Variants in CNTN1 observed in about 807,000 individuals in gnomAD.
The protein encoded by CNTN1 is contactin-1.
In CNTN1, 38 loss-of-function variants were observed where a neutral mutation model predicts 126.4. The ratio of observed to expected loss-of-function variants is 0.30; its 90% CI spans 0.23 to 0.39. CNTN1 has a LOEUF of 0.39. Ranked by LOEUF, CNTN1 falls within the 10% of genes least tolerant of loss-of-function variation. The probability of loss-of-function intolerance (pLI) is 1.00; values close to 1 mark genes in which losing one functional copy is unlikely to be tolerated. For synonymous variants in CNTN1, 413 were observed against 422.6 expected, an observed-to-expected ratio of 0.98 and a Z score of 0.28; for missense variants, 1,009 against 1,248.4, an observed-to-expected ratio of 0.81 and a Z score of 2.89.
At chr12:40,942,628 A>C (rs1478419008) in intron 12 of CNTN1, among the ~76,000 whole-genome samples, 2 of 152,106 alleles carry the variant, frequency 1.3e-5, no homozygotes. Flanking sequence ...AGAATAAATT[A>C]CACTCCTCAG....
At chr12:41,010,505 T>A (rs1295410837) in intron 17 of CNTN1, among the ~76,000 whole-genome samples, 2 of 152,194 alleles carry the variant, frequency 1.3e-5, no homozygotes, top group Non-Finnish European at 2.9e-5. Flanking sequence ...GATCTCCTCC[T>A]CCTGGTCCCT....
At position 40,910,043 on chromosome 12, in the gene CNTN1, G is replaced by A. The variant is rs200412362; in HGVS notation, c.62-30G>A. 427 of 1,552,974 alleles carry A rather than the reference G, an allele frequency of 2.7e-4. 4 individuals are homozygous for A. In the South Asian group the frequency reaches 4.4e-3, roughly 16 times the overall value. The stretch of plus-strand genomic sequence containing the variant: ...ACCACAATTCAAATAATTGCTTCAG[G>A]ATCAAAATTGTTTTTTCTTTCATTT... On this transcript the variant is annotated intron_variant, in intron 2 of 23. Coordinates refer to ENST00000551295, the MANE Select transcript of CNTN1 (RefSeq NM_001843.4).
At chr12:40,833,115 G>C (rs1941914703) in intron 1 of CNTN1, among the ~76,000 whole-genome samples, 1 of 152,002 alleles carries the variant, frequency 6.6e-6, no homozygotes, top group South Asian at 2.1e-4. Flanking sequence ...GAGTCCAGTG[G>C]CGCAGTCTCG....
At chr12:40,850,863 ATTC>A (rs1942691689) in intron 1 of CNTN1, among the ~76,000 whole-genome samples, 1 of 152,128 alleles carries the variant, frequency 6.6e-6, no homozygotes, top group Admixed American at 6.6e-5. Flanking sequence ...TCCCCATTTT[ATTC>A]TTTTTCATTT....
intron 1 of CNTN1, among the ~76,000 whole-genome samples, chr12:40,721,917 T>A (rs1200887360): frequency 1.3e-5 from 2 of 150,970 alleles, no homozygotes; most frequent in East Asian, 3.9e-4. Flanking sequence ...TTCCATGGTG[T>A]ATATGTGCCA....
At chr12:40,859,727 C>T (rs947942056) in intron 1 of CNTN1, among the ~76,000 whole-genome samples, 1 of 151,990 alleles carries the variant, frequency 6.6e-6, no homozygotes, top group South Asian at 2.1e-4. Flanking sequence ...TTCTGTTTAC[C>T]ACAGGAGTGA....
chr12:40,732,648 C>T (rs937936046), intron 1 of CNTN1, among the ~76,000 whole-genome samples: 8 of 151,946 alleles, frequency 5.3e-5, no homozygotes, highest in African/African-American at 1.9e-4. Context: ...CATATTTGCT[C>T]AGAAATCCTA....
At chr12:40,863,578 C>T (rs575567627) in intron 1 of CNTN1, among the ~76,000 whole-genome samples, 4 of 152,084 alleles carry the variant, frequency 2.6e-5, no homozygotes, top group Admixed American at 1.3e-4. Flanking sequence ...GGTACCAGTC[C>T]GTGACCTGTT....
intron 1 of CNTN1, among the ~76,000 whole-genome samples, chr12:40,765,881 G>T (rs1259425242): frequency 3.3e-5 from 5 of 152,210 alleles, no homozygotes; most frequent in African/African-American, 1.2e-4. Flanking sequence ...AGCTCATAGT[G>T]TTGGAGGGAA....
At chr12:40,709,565 C>A (rs189831115) in intron 1 of CNTN1, among the ~76,000 whole-genome samples, 6 of 152,282 alleles carry the variant, frequency 3.9e-5, no homozygotes, top group African/African-American at 1.4e-4. Context: ...TCCTAGATGG[C>A]ATCTTTTTCC....
chr12:41,006,073 T>C (rs886325488), intron 17 of CNTN1, among the ~76,000 whole-genome samples: 5 of 152,212 alleles, frequency 3.3e-5, no homozygotes, highest in East Asian at 1.9e-4. Context: ...AGCTTTGAAA[T>C]TGACAACCTT....
chr12:40,950,322 T>C (rs1209947877), intron 14 of CNTN1, among the ~76,000 whole-genome samples: 1 of 152,148 alleles, frequency 6.6e-6, no homozygotes, highest in Non-Finnish European at 1.5e-5. Flanking sequence ...GCATGATGTA[T>C]TGGAAACAAA....
At chr12:40,765,429 C>A (rs1939042974) in intron 1 of CNTN1, among the ~76,000 whole-genome samples, 1 of 152,110 alleles carries the variant, frequency 6.6e-6, no homozygotes, top group Non-Finnish European at 1.5e-5. Context: ...AATAGTATCA[C>A]CTGGACAGAG....
intron 1 of CNTN1, among the ~76,000 whole-genome samples, chr12:40,783,713 T>C (rs2136453922): frequency 6.6e-6 from 1 of 152,236 alleles, no homozygotes; most frequent in South Asian, 2.1e-4. Flanking sequence ...GTGAAACACG[T>C]AAATCAGGTA....
chr12:40,810,395 A>G (rs1369824337), intron 1 of CNTN1, among the ~76,000 whole-genome samples: 1 of 152,192 alleles, frequency 6.6e-6, no homozygotes. Flanking sequence ...TGTGCTGACA[A>G]TACTTAAGAT....
chr12:40,914,293 T>A (rs1945152586), intron 3 of CNTN1, among the ~76,000 whole-genome samples: 1 of 152,120 alleles, frequency 6.6e-6, no homozygotes, highest in Admixed American at 6.6e-5. Context: ...TTCTTCTCCC[T>A]GCATCTGAGC....
chr12:40,779,545 G>A (rs1939712310), intron 1 of CNTN1, among the ~76,000 whole-genome samples: 1 of 151,810 alleles, frequency 6.6e-6, no homozygotes. Context: ...AAACATCAGT[G>A]GCCAGGGATT....
chr12:40,885,027 T>C (rs1244993265), intron 1 of CNTN1, among the ~76,000 whole-genome samples: 2 of 151,920 alleles, frequency 1.3e-5, no homozygotes, highest in Non-Finnish European at 2.9e-5. Flanking sequence ...AGAATGCTTA[T>C]TGATTTTTTT....
At chr12:40,846,974 TCTCCTGCCTCCAC>T (rs781679225) in intron 1 of CNTN1, among the ~76,000 whole-genome samples, 26 of 152,118 alleles carry the variant, frequency 1.7e-4, no homozygotes, top group Non-Finnish European at 3.4e-4. Flanking sequence ...TTCAAATGAT[TCTCCTGCCTCCAC>T]CTCCTGAGTA....
Sources: gnomAD v4.1 joint callset for allele counts (sites outside exome capture counted in the v4.1 genomes callset) on GRCh38, gnomAD v4.1.1 for gene constraint, MANE v1.5 for transcripts, NCBI Gene and HGNC (gene_info 2026-07-23, HGNC 2026-07-21) for gene names.